Variants in PAIP1 observed in about 807,000 individuals in gnomAD.
PAIP1 encodes poly(A) binding protein interacting protein 1.
In PAIP1, 16 loss-of-function variants were observed where a neutral mutation model predicts 61.3. The ratio of observed to expected loss-of-function variants is 0.26; its 90% CI spans 0.18 to 0.40. The LOEUF is 0.40. Ranked by LOEUF, PAIP1 falls within the 10% of genes least tolerant of loss-of-function variation. The pLI is 1.00. For synonymous variants in PAIP1, 187 were observed against 226.2 expected, an observed-to-expected ratio of 0.83 and a Z score of 1.56; for missense variants, 416 against 600.9, an observed-to-expected ratio of 0.69 and a Z score of 3.22.
chr5:43,549,700 C>T (rs1395261242), intron 2 of PAIP1, among the ~76,000 whole-genome samples: 1 of 151,916 alleles, frequency 6.6e-6, no homozygotes, highest in African/African-American at 2.4e-5. Context: ...TCATGTTTTA[C>T]ACTTTTTATT....
At chr5:43,550,837 C>CAAAAAAAAAAAAAAAAAAAAA (rs373730839) in intron 2 of PAIP1, among the ~76,000 whole-genome samples, 8 of 49,564 alleles carry the variant, frequency 1.6e-4, no homozygotes, top group Admixed American at 3.0e-4. Flanking sequence ...AAATATACTA[C>CAAAAAAAAAAAAAAAAAAAAA]AAAAAAAAAA....
chr5:43,534,293 G>A (rs1747058198), intron 8 of PAIP1, among the ~76,000 whole-genome samples: 1 of 152,046 alleles, frequency 6.6e-6, no homozygotes, highest in African/African-American at 2.4e-5. Flanking sequence ...TCTGCCTCCA[G>A]GCTTCAAGCA....
At chr5:43,556,492 C>G in intron 1 of PAIP1, 90 bp downstream of exon 1, 1 of 1,205,998 alleles carries the variant, frequency 8.3e-7, no homozygotes, top group Non-Finnish European at 1.0e-6. Context: ...GGGTGGGGAC[C>G]GCAGACAGCG....
At chr5:43,527,920 T>C (rs1227681987) in intron 10 of PAIP1, among the ~76,000 whole-genome samples, 1 of 152,238 alleles carries the variant, frequency 6.6e-6, no homozygotes, top group African/African-American at 2.4e-5. Context: ...ATTCCTGCTA[T>C]GATTTCTGCT....
chr5:43,535,882 C>T (rs544274923), intron 6 of PAIP1, among the ~76,000 whole-genome samples: 59 of 151,560 alleles, frequency 3.9e-4, no homozygotes, highest in Non-Finnish European at 6.3e-4. Context: ...TTTATGTCAA[C>T]GACTGTTATA....
At chr5:43,540,723 T>C (rs1455953785) in intron 4 of PAIP1, among the ~76,000 whole-genome samples, 6 of 152,230 alleles carry the variant, frequency 3.9e-5, no homozygotes, top group South Asian at 2.1e-4. Flanking sequence ...TACATTATTA[T>C]TGACAGGATT....
In PAIP1 at chr5:43,544,146, TAAAAAAAAAAAAAAAA is replaced by T. The variant is rs568177939; in HGVS notation, c.622-1046_622-1031del. The stretch of plus-strand genomic sequence containing the variant: ...TGACAAAACAAAGCCCCCATCTTTT[TAAAAAAAAAAAAAAAA>T]AAAAAAAAAAAGCTAAGGGACTTGG... On this transcript the variant is annotated intron_variant, in intron 3 of 10. Coordinates refer to ENST00000306846, the MANE Select transcript of PAIP1 (RefSeq NM_006451.5). Among the ~76,000 whole-genome samples the T allele has an allele frequency of 1.1e-3, 79 of 72,740 alleles. 2 individuals are homozygous for T. Among genetic ancestry groups the T allele is most frequent in the Non-Finnish European group, 1.7e-3 (66 of 37,890 alleles). 47.7% of individuals were successfully genotyped at this position (72,740 alleles called of 152,430 possible).
chr5:43,547,215 A>C (rs1747672366), intron 3 of PAIP1, among the ~76,000 whole-genome samples: 1 of 152,190 alleles, frequency 6.6e-6, no homozygotes, highest in Non-Finnish European at 1.5e-5. Context: ...AGAAATGCTA[A>C]GACAAGACAT....
intron 3 of PAIP1, among the ~76,000 whole-genome samples, chr5:43,545,522 C>T (rs983850791): frequency 6.6e-6 from 1 of 152,188 alleles, no homozygotes; most frequent in Admixed American, 6.5e-5. Flanking sequence ...CTCATTCCAT[C>T]CTTATTTTAG....
intron 10 of PAIP1, among the ~76,000 whole-genome samples, chr5:43,528,749 A>ATTTTTTTT (rs1746808113): frequency 6.6e-6 from 1 of 152,178 alleles, no homozygotes. Flanking sequence ...ATTAAAAAAA[A>ATTTTTTTT]AATAAGTTCA....
chr5:43,550,837 CAAAAAAAAA>C (rs373730839), intron 2 of PAIP1, among the ~76,000 whole-genome samples: 4 of 49,564 alleles, frequency 8.1e-5, no homozygotes, highest in African/African-American at 9.9e-5. Flanking sequence ...AAATATACTA[CAAAAAAAAA>C]AAAAAAAAAA....
chr5:43,535,491 G>T, intron 7 of PAIP1, 43 bp downstream of exon 7: 1 of 1,097,172 alleles, frequency 9.1e-7, no homozygotes, highest in Non-Finnish European at 1.4e-6. Flanking sequence ...GAAAAAGCAA[G>T]AAATTGAGAT....
chr5:43,547,732 T>C lies in PAIP1; in HGVS notation c.617A>G (p.Gln206Arg). Reference sequence around the variant, plus strand: ...GCATGCTATAAGCCAACATACCTGTTGATAGATGAGTTCCACAAGTTCTTG... The same window carrying C: ...GCATGCTATAAGCCAACATACCTGTCGATAGATGAGTTCCACAAGTTCTTG... ...ALQELVELIYQQATSIPNFSY... is the reference protein window; with the variant it reads ...ALQELVELIYRQATSIPNFSY... Residue 206 changes from glutamine (Q) to arginine (R), a missense_variant, in exon 3 of 11, where the codon CAA becomes CGA. Physicochemically the swap from Gln to Arg is conservative, Grantham distance 43. Transcript: ENST00000306846. 1 of 1,604,688 alleles carries C rather than the reference T, an allele frequency of 6.2e-7. No individual in the cohort carries two copies. The highest frequency in any genetic ancestry group is 8.5e-7 in the Non-Finnish European group (1 of 1,175,360).
chr5:43,547,984 T>G, intron 2 of PAIP1, 71 bp from the exon 3 acceptor site: 4 of 893,946 alleles, frequency 4.5e-6, no homozygotes, highest in Non-Finnish European at 6.9e-6. Flanking sequence ...GGTATGTCTC[T>G]AGCACAAATG....
At chr5:43,541,703 GAAC>G (rs1747420462) in intron 4 of PAIP1, among the ~76,000 whole-genome samples, 8 of 145,856 alleles carry the variant, frequency 5.5e-5, no homozygotes, top group African/African-American at 2.1e-4. Context: ...ACTAATGGAC[GAAC>G]TATAATAAAC....
At chr5:43,544,835 GTC>G (rs760639032) in intron 3 of PAIP1, among the ~76,000 whole-genome samples, 2 of 152,134 alleles carry the variant, frequency 1.3e-5, no homozygotes, top group African/African-American at 2.4e-5. Flanking sequence ...TCCCTGAGGT[GTC>G]TCATTATATA....
At position 43,557,019 on chromosome 5, in the gene PAIP1, G is replaced by A; in HGVS notation, c.-173C>T. Reference sequence around the variant, plus strand: ...CTCGGTGCTTCTGGCGGAGCGGACGGCAGCCCGAGCACCCGCCGCTCCAGA... The same window carrying A: ...CTCGGTGCTTCTGGCGGAGCGGACGACAGCCCGAGCACCCGCCGCTCCAGA... On this transcript the variant is annotated 5_prime_UTR_variant, in exon 1 of 11. Transcript: ENST00000306846. 4.4e-6 allele frequency: 5 copies of A among 1,139,736 alleles called. No individual in the cohort carries two copies. Among genetic ancestry groups the A allele is most frequent in the Non-Finnish European group, 5.6e-6 (5 of 900,236 alleles). The allele number at this position is 1,139,736 out of a possible 1,614,324, so 70.6% of individuals were successfully genotyped here. A position where few individuals can be genotyped will look rare whatever the true frequency, so the allele number is the denominator to read the frequency against.
chr5:43,545,102 T>C (rs1300659595), intron 3 of PAIP1, among the ~76,000 whole-genome samples: 1 of 152,250 alleles, frequency 6.6e-6, no homozygotes, highest in Non-Finnish European at 1.5e-5. Context: ...CTTCCCTAGA[T>C]TCAGTTTTTA....
intron 4 of PAIP1, among the ~76,000 whole-genome samples, chr5:43,541,587 G>A (rs1223575443): frequency 6.7e-6 from 1 of 149,880 alleles, no homozygotes; most frequent in Non-Finnish European, 1.5e-5. Context: ...TCAAAAGCTT[G>A]AATTTTCAAG....
Sources: allele counts gnomAD v4.1 joint callset (sites outside exome capture counted in the v4.1 genomes callset), GRCh38; gene constraint gnomAD v4.1.1; transcripts MANE v1.5; gene names NCBI Gene and HGNC (gene_info 2026-07-23, HGNC 2026-07-21).